Variants in GCNT2 observed in about 807,000 individuals in gnomAD.
GCNT2 encodes the protein N-acetyllactosaminide beta-1,6-N-acetylglucosaminyl-transferase.
A neutral mutation model predicts 34.2 loss-of-function variants in GCNT2; 34 were observed. The observed-to-expected ratio is 1.00, with a 90% CI of 0.76 to 1.32. GCNT2 has a LOEUF of 1.32. Among genes scored for constraint, GCNT2 ranks in the 40% most tolerant of loss-of-function variants. The probability of loss-of-function intolerance (pLI) is 0.00; values close to 1 mark genes in which losing one functional copy is unlikely to be tolerated. For synonymous variants in GCNT2, 212 were observed against 188.0 expected, an observed-to-expected ratio of 1.13 and a Z score of -1.04; for missense variants, 584 against 489.4, an observed-to-expected ratio of 1.19 and a Z score of -1.82.
chr6:10,608,697 C>T (rs572789502), intron 3 of GCNT2, among the ~76,000 whole-genome samples: 1 of 152,088 alleles, frequency 6.6e-6, no homozygotes, highest in Admixed American at 6.6e-5. Context: ...AGAGAGGCTA[C>T]CTTAGGGTTT....
chr6:10,589,375 AGT>A (rs1348121791), intron 3 of GCNT2, among the ~76,000 whole-genome samples: 2 of 114,208 alleles, frequency 1.8e-5, no homozygotes, highest in African/African-American at 6.4e-5. Context: ...GTGTGTTTGT[AGT>A]GTGGTGTGTG....
At chr6:10,560,209 C>T (rs891354490) in intron 3 of GCNT2, among the ~76,000 whole-genome samples, 5 of 152,180 alleles carry the variant, frequency 3.3e-5, no homozygotes, top group African/African-American at 1.2e-4. Context: ...GTGCCTCAGC[C>T]TCCTGAGTAG....
chr6:10,614,777 CG>C (rs1048672751), intron 3 of GCNT2, among the ~76,000 whole-genome samples: 41 of 152,110 alleles, frequency 2.7e-4, no homozygotes, highest in South Asian at 4.1e-4. Flanking sequence ...AAAACCTAAA[CG>C]GTCCTCCCCA....
At chr6:10,597,793 C>T (rs1242994365) in intron 3 of GCNT2, among the ~76,000 whole-genome samples, 2 of 152,162 alleles carry the variant, frequency 1.3e-5, no homozygotes, top group Non-Finnish European at 2.9e-5. Flanking sequence ...CCAGAAGACA[C>T]TAAGGATTGG....
intron 3 of GCNT2, among the ~76,000 whole-genome samples, chr6:10,568,281 C>A (rs1250687947): frequency 6.6e-6 from 1 of 152,140 alleles, no homozygotes; most frequent in African/African-American, 2.4e-5. Context: ...ACTCCCCACA[C>A]ACCCAGCTTT....
At chr6:10,564,639 A>G (rs1763195395) in intron 3 of GCNT2, among the ~76,000 whole-genome samples, 1 of 152,218 alleles carries the variant, frequency 6.6e-6, no homozygotes, top group African/African-American at 2.4e-5. Flanking sequence ...CGGCTCTGTC[A>G]CTTAGAAGTT....
Position 10,529,040 on chromosome 6 carries a change from A to G in GCNT2, c.129A>G (p.Ser43=), listed in dbSNP as rs1423363438. ...RFLRAALSNA[S]LLAEACHQIF... is the part of the protein sequence containing the mutation. ...TGAGGGCAGCTCTGTCCAATGCTTC[A>G]CTGTTAGCAGAAGCCTGTCATCAGA... is the stretch of plus-strand genomic sequence containing the variant. Residue 43 remains serine, a synonymous_variant, in exon 3 of 5, where the codon TCA becomes TCG. Coordinates refer to ENST00000495262, the MANE Select transcript of GCNT2 (RefSeq NM_145649.5). 4 of 1,614,110 alleles carry G rather than the reference A, an allele frequency of 2.5e-6. No individual in the cohort carries two copies. Among genetic ancestry groups the G allele is most frequent in the Non-Finnish European group, 3.4e-6 (4 of 1,179,972 alleles).
chr6:10,578,977 T>C (rs545849276), intron 3 of GCNT2, among the ~76,000 whole-genome samples: 2 of 152,294 alleles, frequency 1.3e-5, no homozygotes, highest in African/African-American at 4.8e-5. Flanking sequence ...AAAGTTAAGC[T>C]TATCTTCAGA....
chr6:10,592,509 A>G (rs1764693210), intron 3 of GCNT2, among the ~76,000 whole-genome samples: 1 of 152,178 alleles, frequency 6.6e-6, no homozygotes, highest in South Asian at 2.1e-4. Flanking sequence ...CTCCTGGTAG[A>G]GAAACCTTAG....
intron 3 of GCNT2, among the ~76,000 whole-genome samples, chr6:10,568,404 A>G (rs1335047198): frequency 6.6e-6 from 1 of 152,084 alleles, no homozygotes; most frequent in Non-Finnish European, 1.5e-5. Context: ...AGAGTTTTCT[A>G]GCAAGTTCTA....
chr6:10,592,419 C>T (rs1764690193), intron 3 of GCNT2, among the ~76,000 whole-genome samples: 1 of 152,134 alleles, frequency 6.6e-6, no homozygotes, highest in Non-Finnish European at 1.5e-5. Flanking sequence ...GGTAGGATCA[C>T]AGGGGAAGAT....
At chr6:10,569,999 G>A (rs1174227532) in intron 3 of GCNT2, among the ~76,000 whole-genome samples, 1 of 145,246 alleles carries the variant, frequency 6.9e-6, no homozygotes, top group Non-Finnish European at 1.5e-5. Flanking sequence ...TGACAGAGTT[G>A]CACTCTGTCA....
rs1225096668 is a variant in GCNT2 at position 10,528,725 on chromosome 6, GT to G, written c.-186del. The G allele has an allele frequency of 8.0e-6, 5 of 627,596 alleles. No homozygotes were observed. Among genetic ancestry groups the G allele is most frequent in the Admixed American group, 2.8e-5 (1 of 36,060 alleles). The allele number at this position is 627,596 out of a possible 1,614,324, so 38.9% of individuals were successfully genotyped here. On this transcript the variant is annotated 5_prime_UTR_variant, in exon 3 of 5. An upstream open reading frame in the 5' UTR loses its in-frame stop. Transcript: ENST00000495262. ...AGAAAAGTGAAAATGCAACCTAGTG[GT>G]AAGTGAAGAGGGGAAGAAGAAAGAA...
At chr6:10,571,250 G>A (rs928066404) in intron 3 of GCNT2, among the ~76,000 whole-genome samples, 10 of 152,058 alleles carry the variant, frequency 6.6e-5, no homozygotes, top group African/African-American at 2.2e-4. Context: ...CACCCCATAC[G>A]GAAAGAAGAT....
intron 3 of GCNT2, among the ~76,000 whole-genome samples, chr6:10,602,220 A>G (rs1271155948): frequency 6.6e-6 from 1 of 152,200 alleles, no homozygotes; most frequent in African/African-American, 2.4e-5. Flanking sequence ...TGAACAGATC[A>G]CTGAAGTTTT....
chr6:10,586,381 A>G (rs775913181), intron 3 of GCNT2: 5 of 1,614,166 alleles, frequency 3.1e-6, no homozygotes, highest in East Asian at 2.2e-5. Context: ...GTGGATGAGA[A>G]AGCCCCAGCT....
chr6:10,543,056 C>A (rs1276499527), intron 3 of GCNT2, among the ~76,000 whole-genome samples: 1 of 151,634 alleles, frequency 6.6e-6, no homozygotes, highest in South Asian at 2.1e-4. Context: ...TACAGGCATG[C>A]GCCACCACAC....
At chr6:10,619,135 A>AT in intron 3 of GCNT2, 1 of 152,078 alleles carries the variant, frequency 6.6e-6, no homozygotes, top group Non-Finnish European at 1.5e-5. Context: ...GTCTTGTCCA[A>AT]TTTTTTCTTT....
intron 3 of GCNT2, among the ~76,000 whole-genome samples, chr6:10,583,041 G>A (rs1764188807): frequency 6.6e-6 from 1 of 152,100 alleles, no homozygotes; most frequent in African/African-American, 2.4e-5. Context: ...TCAGCACCTG[G>A]ACCAGGGAGC....
Sources: gnomAD v4.1 joint callset for allele counts (sites outside exome capture counted in the v4.1 genomes callset) on GRCh38, gnomAD v4.1.1 for gene constraint, MANE v1.5 for transcripts, NCBI Gene and HGNC (gene_info 2026-07-23, HGNC 2026-07-21) for gene names.